BRINP1: variants seen among roughly 807,000 people sequenced by gnomAD.
BRINP1 encodes the protein BMP/retinoic acid inducible neural specific 1.
A neutral mutation model predicts 72.9 loss-of-function variants in BRINP1; 17 were observed. The observed-to-expected ratio is 0.23, with a 90% confidence interval of 0.16 to 0.35. BRINP1 has a LOEUF of 0.35. Among genes scored for constraint, BRINP1 ranks in the 10% least tolerant of loss-of-function variants. BRINP1 has a pLI of 1.00. For missense variants in BRINP1, 850 were observed against 1,001.6 expected, an observed-to-expected ratio of 0.85 and a Z score of 2.04; for synonymous variants, 418 against 378.5, an observed-to-expected ratio of 1.10 and a Z score of -1.21.
intron 1 of BRINP1, among the ~76,000 whole-genome samples, chr9:119,315,687 C>T (rs1228975897): frequency 1.3e-5 from 2 of 152,160 alleles, no homozygotes; most frequent in East Asian, 3.9e-4. Flanking sequence ...ACCAGTTAGC[C>T]ACATTGTGAA....
chr9:119,308,307 G>A (rs1390001760), intron 2 of BRINP1, among the ~76,000 whole-genome samples: 1 of 152,158 alleles, frequency 6.6e-6, no homozygotes, highest in Admixed American at 6.5e-5. Context: ...ATGATATCAA[G>A]ATTATACCTG....
chr9:119,219,207 A>T (rs1830013890), intron 5 of BRINP1, among the ~76,000 whole-genome samples: 2 of 152,142 alleles, frequency 1.3e-5, no homozygotes, highest in Admixed American at 6.5e-5. Flanking sequence ...AGACCAAGAC[A>T]CTGTCATAAT....
chr9:119,174,591 A>G (rs1234597735), intron 7 of BRINP1, among the ~76,000 whole-genome samples: 5 of 139,376 alleles, frequency 3.6e-5, no homozygotes, highest in Admixed American at 3.5e-4. Flanking sequence ...TAGAAATACC[A>G]TTTGACCCAG....
At chr9:119,172,466 A>C (rs1160040073) in intron 7 of BRINP1, among the ~76,000 whole-genome samples, 2 of 151,906 alleles carry the variant, frequency 1.3e-5, no homozygotes, top group East Asian at 1.9e-4. Context: ...CAATAACAGG[A>C]TCTGAAATTG....
At chr9:119,315,048 T>G (rs1269254309) in intron 1 of BRINP1, among the ~76,000 whole-genome samples, 2 of 152,216 alleles carry the variant, frequency 1.3e-5, no homozygotes, top group African/African-American at 4.8e-5. Flanking sequence ...TCATTTTCTT[T>G]TTTTATTAAT....
At chr9:119,305,656 C>G (rs1179414588) in intron 2 of BRINP1, among the ~76,000 whole-genome samples, 1 of 152,166 alleles carries the variant, frequency 6.6e-6, no homozygotes, top group Non-Finnish European at 1.5e-5. Flanking sequence ...TCCAAACATG[C>G]CTCTTCCTCC....
At chr9:119,290,014 G>A (rs1442763011) in intron 2 of BRINP1, among the ~76,000 whole-genome samples, 5 of 152,118 alleles carry the variant, frequency 3.3e-5, no homozygotes, top group Non-Finnish European at 7.3e-5. Context: ...ATTAAATCAG[G>A]AACTGGTCAA....
intron 5 of BRINP1, among the ~76,000 whole-genome samples, chr9:119,217,269 G>A (rs1036583778): frequency 1.3e-5 from 2 of 151,768 alleles, no homozygotes; most frequent in African/African-American, 4.8e-5. Flanking sequence ...ATATACAGCT[G>A]CCGGCTGGGG....
chr9:119,170,474 G>T (rs1181774475), intron 7 of BRINP1, among the ~76,000 whole-genome samples: 1 of 151,836 alleles, frequency 6.6e-6, no homozygotes, highest in Non-Finnish European at 1.5e-5. Flanking sequence ...AGAAATATGG[G>T]ACTATGTGAA....
In BRINP1 at chr9:119,214,030, C is replaced by T. The variant is rs1444854216; in HGVS notation, c.811G>A (p.Glu271Lys). 5.0e-6 allele frequency: 8 copies of T among 1,614,152 alleles called. No individual in the cohort carries two copies. Among genetic ancestry groups the T allele is most frequent in the Admixed American group, 3.3e-5 (2 of 60,032 alleles). The change falls in exon 6 of 8, where the codon GAG becomes AAG. Residue 271 changes from glutamate to lysine, a missense_variant. Transcript: ENST00000265922. The stretch of plus-strand genomic sequence containing the variant: ...GGGCAGTTGCACTGCGGAAACTCCT[C>T]GGCACATTGGCAGCGACACTGGCTG... ...QNSQCRCQCA[E>K]EFPQCNCPIT...
intron 3 of BRINP1, among the ~76,000 whole-genome samples, chr9:119,246,506 G>A (rs1381230128): frequency 6.6e-6 from 1 of 152,192 alleles, no homozygotes; most frequent in African/African-American, 2.4e-5. Context: ...TCAGCTTGCA[G>A]ATGACCTATT....
chr9:119,285,989 T>C (rs922476709), intron 2 of BRINP1, among the ~76,000 whole-genome samples: 52 of 152,178 alleles, frequency 3.4e-4, no homozygotes, highest in African/African-American at 1.2e-3. Context: ...AATCAATTCA[T>C]GCTCATCATT....
intron 7 of BRINP1, among the ~76,000 whole-genome samples, chr9:119,186,888 T>G (rs1196702443): frequency 2.0e-5 from 3 of 151,982 alleles, no homozygotes; most frequent in East Asian, 1.9e-4. Context: ...CATTCCAGGG[T>G]CCAGAGTCAC....
chr9:119,222,985 A>G (rs1324237806), intron 5 of BRINP1, among the ~76,000 whole-genome samples: 2 of 152,076 alleles, frequency 1.3e-5, no homozygotes, highest in Non-Finnish European at 2.9e-5. Flanking sequence ...TCCCTGGATC[A>G]GCTGATGTCT....
At chr9:119,355,419 G>A (rs899219460) in intron 1 of BRINP1, among the ~76,000 whole-genome samples, 2 of 152,100 alleles carry the variant, frequency 1.3e-5, no homozygotes, top group Non-Finnish European at 2.9e-5. Flanking sequence ...TACTGTTGTT[G>A]TCAGCTCTGT....
intron 3 of BRINP1, among the ~76,000 whole-genome samples, chr9:119,242,541 T>C (rs1830264069): frequency 6.6e-6 from 1 of 152,196 alleles, no homozygotes. Flanking sequence ...TTCTATACAA[T>C]GGCAAATGTG....
chr9:119,223,786 C>T (rs765287135), intron 5 of BRINP1, among the ~76,000 whole-genome samples: 8 of 152,088 alleles, frequency 5.3e-5, no homozygotes, highest in Admixed American at 6.6e-5. Flanking sequence ...GCTTGAGACA[C>T]GAGGCTTTTT....
At chr9:119,298,029 T>C (rs1830898669) in intron 2 of BRINP1, among the ~76,000 whole-genome samples, 1 of 152,224 alleles carries the variant, frequency 6.6e-6, no homozygotes, top group Admixed American at 6.5e-5. Context: ...AGTCAATTTG[T>C]CTGGGTCAAC....
chr9:119,227,041 G>A (rs1416864788), intron 5 of BRINP1, among the ~76,000 whole-genome samples: 3 of 151,992 alleles, frequency 2.0e-5, no homozygotes, highest in Non-Finnish European at 2.9e-5. Flanking sequence ...AAATATTCAT[G>A]TAAAGAAATG....
Sources: gnomAD v4.1 joint callset for allele counts (sites outside exome capture counted in the v4.1 genomes callset) on GRCh38, gnomAD v4.1.1 for gene constraint, MANE v1.5 for transcripts, NCBI Gene and HGNC (gene_info 2026-07-23, HGNC 2026-07-21) for gene names.